Variants in ARL13B observed in about 807,000 individuals in gnomAD.
The protein encoded by ARL13B is ARF like GTPase 13B, also known as ADP-ribosylation factor-like protein 13B.
A neutral mutation model predicts 56.1 loss-of-function variants in ARL13B; 36 were observed. That is an observed-to-expected ratio of 0.64 (90% confidence interval 0.49 to 0.85). The LOEUF is 0.85. Ranked by LOEUF, ARL13B falls within the 40% of genes least tolerant of loss-of-function variation. ARL13B has a pLI of 0.00. For missense variants in ARL13B, 519 were observed against 507.1 expected (o/e 1.02, Z -0.23); for synonymous variants, 178 against 171.1 (o/e 1.04, Z -0.32).
At chr3:94,052,026 C>G (rs2077074490) in intron 9 of ARL13B, among the ~76,000 whole-genome samples, 1 of 151,766 alleles carries the variant, frequency 6.6e-6, no homozygotes, top group Admixed American at 6.6e-5. Context: ...ACTGACTTGA[C>G]ATCGTGATGT....
chr3:94,039,995 A>C lies in ARL13B; in HGVS notation c.798+7A>C, dbSNP rs1166555039. The C allele has an allele frequency of 6.2e-7, 1 of 1,609,962 alleles. No individual in the cohort carries two copies. The highest frequency in any genetic ancestry group is 8.5e-7 in the Non-Finnish European group (1 of 1,176,636). Reference sequence around the variant, plus strand: ...AGCATCTGTAATCATTGAGGTATGAATGATGGCAAATGTAATTTTTGTATC... The same window carrying C: ...AGCATCTGTAATCATTGAGGTATGACTGATGGCAAATGTAATTTTTGTATC... On this transcript the variant is annotated splice_region_variant and intron_variant, in intron 6 of 9. Coordinates refer to ENST00000394222, the MANE Select transcript of ARL13B (RefSeq NM_001174150.2).
Position 94,020,833 on chromosome 3 carries a change from T to C in ARL13B, c.381-14498T>C, listed in dbSNP as rs1377137882. On this transcript the variant is annotated intron_variant, in intron 3 of 9. Transcript: ENST00000394222. ...AATTCAAATAGCCGGTAATCTTTTG[T>C]TTTTGCCACTGATTTGCTATAGTAA... Among the ~76,000 whole-genome samples, 6 of 152,276 alleles carry C rather than the reference T, an allele frequency of 3.9e-5. No homozygotes were observed. The South Asian group carries it at 1.0e-3, about 26-fold the overall frequency.
intron 3 of ARL13B, among the ~76,000 whole-genome samples, chr3:94,023,676 T>G (rs2076496754): frequency 6.6e-6 from 1 of 152,190 alleles, no homozygotes; most frequent in African/African-American, 2.4e-5. Context: ...ATCCTACGTT[T>G]AGACATATCT....
intron 3 of ARL13B, among the ~76,000 whole-genome samples, chr3:94,019,528 G>A (rs977013017): frequency 3.9e-5 from 6 of 152,014 alleles, no homozygotes; most frequent in Admixed American, 3.3e-4. Flanking sequence ...GATTGTTAAC[G>A]ATAGTCTCCT....
chr3:94,029,326 A>T lies in ARL13B; in HGVS notation c.381-6005A>T, dbSNP rs868714273. ...CATATATATATATATATATATATAT[A>T]TATATATATTTATTTTTTTTTTATT... is the stretch of plus-strand genomic sequence containing the variant. On this transcript the variant is annotated intron_variant, in intron 3 of 9. Coordinates refer to ENST00000394222, the MANE Select transcript of ARL13B (RefSeq NM_001174150.2). 1.2e-3 allele frequency among the ~76,000 whole-genome samples: 113 copies of T among 96,032 alleles called. 1 individual carries two copies. Among genetic ancestry groups the T allele is most frequent in the African/African-American group, 6.3e-3 (105 of 16,782 alleles). 63.0% of individuals were successfully genotyped at this position (96,032 alleles called of 152,430 possible).
chr3:94,008,663 G>A (rs1014787301), intron 3 of ARL13B, among the ~76,000 whole-genome samples: 7 of 152,036 alleles, frequency 4.6e-5, no homozygotes, highest in Non-Finnish European at 7.4e-5. Flanking sequence ...GCTAGTACCC[G>A]TGGAGTCTTA....
intron 3 of ARL13B, among the ~76,000 whole-genome samples, chr3:94,033,162 A>G (rs998953172): frequency 8.5e-5 from 13 of 152,212 alleles, no homozygotes; most frequent in African/African-American, 3.1e-4. Context: ...AAGTTAAATA[A>G]TGTGTACACA....
At chr3:93,994,543 G>A (rs1302381606) in intron 1 of ARL13B, among the ~76,000 whole-genome samples, 2 of 152,000 alleles carry the variant, frequency 1.3e-5, no homozygotes, top group Non-Finnish European at 2.9e-5. Context: ...AGCTTAATAA[G>A]GAAGAGTTTC....
chr3:93,986,415 G>A (rs1463655084), intron 1 of ARL13B, among the ~76,000 whole-genome samples: 2 of 151,908 alleles, frequency 1.3e-5, no homozygotes, highest in African/African-American at 4.8e-5. Context: ...CTGTTTTTTC[G>A]ATACATTTTT....
intron 2 of ARL13B, 48 bp downstream of exon 2, chr3:93,995,992 T>C (rs1480107550): frequency 6.5e-7 from 1 of 1,548,932 alleles, no homozygotes; most frequent in Non-Finnish European, 8.9e-7. Context: ...TAAATTATTC[T>C]GAATTATTTA....
rs750091221 is a variant in ARL13B, at chr3:94,031,792, T to A, written c.381-3539T>A. ...TAACCAAAGTAGCATGGTACTGGTA[T>A]AGAAATAGATGAATAGATCAATGGA... is the stretch of plus-strand genomic sequence containing the variant. On this transcript the variant is annotated intron_variant, in intron 3 of 9. Coordinates refer to ENST00000394222, the MANE Select transcript of ARL13B (RefSeq NM_001174150.2). 9.2e-5 allele frequency among the ~76,000 whole-genome samples: 14 copies of A among 152,240 alleles called. No individual in the cohort carries two copies. In the Middle Eastern group the frequency reaches 0.01, roughly 111 times the overall value.
Position 94,035,375 on chromosome 3 carries a change from A to G in ARL13B, c.425A>G (p.Asp142Gly), listed in dbSNP as rs778779871. 2 of 1,609,428 alleles carry G rather than the reference A, an allele frequency of 1.2e-6. No homozygotes were observed. Among genetic ancestry groups the G allele is most frequent in the East Asian group, 2.2e-5 (1 of 44,738 alleles). Reference protein sequence around the residue: ...QDKEGALGEADVIECLSLEKL... With the variant: ...QDKEGALGEAGVIECLSLEKL... Reference sequence around the variant, plus strand: ...AAAGAAGGAGCTTTAGGAGAAGCTGATGTCATTGAATGTCTATCTCTGGAA... The same window carrying G: ...AAAGAAGGAGCTTTAGGAGAAGCTGGTGTCATTGAATGTCTATCTCTGGAA... Residue 142 changes from aspartate (D) to glycine (G), a missense_variant, in exon 4 of 10, where the codon GAT becomes GGT. Transcript: ENST00000394222.
At chr3:93,993,673 T>TCTTTGTA (rs1446268630) in intron 1 of ARL13B, among the ~76,000 whole-genome samples, 41 of 152,346 alleles carry the variant, frequency 2.7e-4, no homozygotes, top group African/African-American at 9.6e-4. Context: ...TGTACTTAAA[T>TCTTTGTA]CTTGTTCTTT....
intron 1 of ARL13B, among the ~76,000 whole-genome samples, chr3:93,984,570 C>G (rs538988357): frequency 2.6e-5 from 4 of 152,102 alleles, no homozygotes; most frequent in Admixed American, 2.6e-4. Flanking sequence ...GAGGAAGGCA[C>G]ACGTGTAACT....
intron 1 of ARL13B, among the ~76,000 whole-genome samples, chr3:93,995,114 T>C (rs894245045): frequency 6.6e-6 from 1 of 152,190 alleles, no homozygotes; most frequent in African/African-American, 2.4e-5. Flanking sequence ...GAAATGACTA[T>C]ATAGTGGTAA....
rs1411910935 is a variant in ARL13B, at chr3:94,055,212, A to G, written c.*1949A>G. ...TTAACAATTAAATGCCTATTTTGTT[A>G]TATGTTATACTTTTATTCTTAATTC... On this transcript the variant is annotated 3_prime_UTR_variant, in exon 10 of 10. Transcript: ENST00000394222. 2 of 396,732 alleles carry G rather than the reference A, an allele frequency of 5.0e-6. No homozygotes were observed. Among genetic ancestry groups the G allele is most frequent in the East Asian group, 7.4e-5 (1 of 13,594 alleles). The allele number at this position is 396,732 out of a possible 1,614,324, so 24.6% of individuals were successfully genotyped here.
chr3:94,039,264 G>A (rs1408190573), intron 5 of ARL13B, among the ~76,000 whole-genome samples: 1 of 152,094 alleles, frequency 6.6e-6, no homozygotes, highest in Non-Finnish European at 1.5e-5. Flanking sequence ...ACTTTGGGAG[G>A]CAGAGGCAGG....
At chr3:94,029,322 A>G (rs2076621046) in intron 3 of ARL13B, among the ~76,000 whole-genome samples, 2 of 98,644 alleles carry the variant, frequency 2.0e-5, no homozygotes, top group African/African-American at 1.0e-4. Context: ...ATATATATAT[A>G]TATATATATA....
At chr3:94,035,854 T>C (rs2076758330) in intron 4 of ARL13B, among the ~76,000 whole-genome samples, 2 of 152,136 alleles carry the variant, frequency 1.3e-5, no homozygotes, top group South Asian at 4.1e-4. Context: ...GGCAGATTGC[T>C]TGAGCCCAGG....
Sources: gnomAD v4.1 joint callset for allele counts (sites outside exome capture counted in the v4.1 genomes callset) on GRCh38, gnomAD v4.1.1 for gene constraint, MANE v1.5 for transcripts, NCBI Gene and HGNC (gene_info 2026-07-23, HGNC 2026-07-21) for gene names.